TMEM163: variants seen among roughly 807,000 people sequenced by gnomAD.
TMEM163 encodes the protein transmembrane protein 163.
A neutral mutation model predicts 29.3 loss-of-function variants in TMEM163; 17 were observed. The ratio of observed to expected loss-of-function variants is 0.58; its 90% CI spans 0.40 to 0.87. The LOEUF (loss-of-function observed/expected upper bound fraction) is 0.87, where lower values mean the gene tolerates loss of function less well. Among genes scored for constraint, TMEM163 ranks in the 40% least tolerant of loss-of-function variants. The pLI is 0.00. For missense variants in TMEM163, 303 were observed against 381.5 expected (o/e 0.79, Z 1.71); for synonymous variants, 157 against 160.6 (o/e 0.98, Z 0.17).
Position 134,638,517 on chromosome 2 carries a change from G to T in TMEM163, c.322+74683C>A, listed in dbSNP as rs377552602. ...AGAAGAGTCAAGAGGATTAAAGGAA[G>T]GAGATGATGGAGAAAGACCATTTAG... On this transcript the variant is annotated intron_variant, in intron 2 of 7. Transcript: ENST00000281924. 2.0e-5 allele frequency among the ~76,000 whole-genome samples: 3 copies of T among 152,316 alleles called. No homozygotes were observed. In the South Asian group the frequency reaches 6.2e-4, roughly 32 times the overall value.
At chr2:134,463,875 G>A (rs533603943) in intron 6 of TMEM163, among the ~76,000 whole-genome samples, 31 of 152,246 alleles carry the variant, frequency 2.0e-4, no homozygotes, top group Admixed American at 8.5e-4. Flanking sequence ...AGGACCTGAC[G>A]GCAGCAGGAT....
intron 2 of TMEM163, among the ~76,000 whole-genome samples, chr2:134,607,051 G>A (rs1180529275): frequency 2.2e-5 from 3 of 133,650 alleles, no homozygotes; most frequent in South Asian, 3.1e-4. Context: ...GACAGACCCC[G>A]AGAACTGTGC....
At chr2:134,634,970 A>G (rs1446207125) in intron 2 of TMEM163, among the ~76,000 whole-genome samples, 1 of 152,244 alleles carries the variant, frequency 6.6e-6, no homozygotes, top group East Asian at 1.9e-4. Context: ...AACAAGTGAA[A>G]CCAAATTTTA....
chr2:134,672,534 C>A (rs1003648958), intron 2 of TMEM163, among the ~76,000 whole-genome samples: 1 of 152,054 alleles, frequency 6.6e-6, no homozygotes, highest in Non-Finnish European at 1.5e-5. Context: ...GCCACACCTG[C>A]CTGGCTAATT....
At chr2:134,637,059 A>C (rs1683120225) in intron 2 of TMEM163, among the ~76,000 whole-genome samples, 1 of 152,230 alleles carries the variant, frequency 6.6e-6, no homozygotes, top group Admixed American at 6.5e-5. Context: ...TCTCCCACAC[A>C]GCTAGCTCGG....
At chr2:134,641,868 T>C (rs1683227580) in intron 2 of TMEM163, among the ~76,000 whole-genome samples, 2 of 152,038 alleles carry the variant, frequency 1.3e-5, no homozygotes, top group African/African-American at 4.8e-5. Context: ...TATAAATAGG[T>C]TAAAAGCCAA....
At chr2:134,672,568 T>A (rs1027899800) in intron 2 of TMEM163, among the ~76,000 whole-genome samples, 1 of 151,970 alleles carries the variant, frequency 6.6e-6, no homozygotes, top group Admixed American at 6.6e-5. Context: ...GTAGAGACAG[T>A]GTATCACTCT....
intron 2 of TMEM163, among the ~76,000 whole-genome samples, chr2:134,556,333 T>G (rs1178408133): frequency 6.6e-6 from 1 of 152,250 alleles, no homozygotes; most frequent in African/African-American, 2.4e-5. Flanking sequence ...GTTGACCCAG[T>G]AATCCCATGC....
intron 4 of TMEM163, among the ~76,000 whole-genome samples, chr2:134,506,007 T>TCCC (rs756541184): frequency 6.6e-6 from 1 of 152,026 alleles, no homozygotes; most frequent in African/African-American, 2.4e-5. Flanking sequence ...CATCAACCAT[T>TCCC]TACCACTGGG....
At chr2:134,462,914 G>A (rs1298024139) in intron 6 of TMEM163, among the ~76,000 whole-genome samples, 4 of 152,196 alleles carry the variant, frequency 2.6e-5, no homozygotes, top group African/African-American at 2.4e-5. Flanking sequence ...GGTGTCCAGC[G>A]AATGAGGTTT....
intron 2 of TMEM163, among the ~76,000 whole-genome samples, chr2:134,664,713 C>G (rs896819252): frequency 3.9e-5 from 6 of 152,080 alleles, no homozygotes; most frequent in Non-Finnish European, 8.8e-5. Context: ...TACAGGCCAC[C>G]ACCAGAAGCT....
At chr2:134,527,293 G>T (rs758499553) in intron 4 of TMEM163, among the ~76,000 whole-genome samples, 60 of 152,068 alleles carry the variant, frequency 3.9e-4, no homozygotes, top group Non-Finnish European at 2.4e-4. Flanking sequence ...GTGTTTATGT[G>T]CATGCTTGTG....
chr2:134,532,431 C>G (rs1043372862), intron 4 of TMEM163, among the ~76,000 whole-genome samples: 1 of 152,240 alleles, frequency 6.6e-6, no homozygotes, highest in Non-Finnish European at 1.5e-5. Context: ...ACTCTGGAAT[C>G]ATTTCTTTCT....
chr2:134,691,939 G>C (rs1684478107), intron 2 of TMEM163, among the ~76,000 whole-genome samples: 1 of 152,182 alleles, frequency 6.6e-6, no homozygotes, highest in South Asian at 2.1e-4. Flanking sequence ...TGAGGCAGGG[G>C]CTGCAGTGGA....
At chr2:134,468,245 A>G (rs1686712383) in intron 5 of TMEM163, 1 of 152,164 alleles carries the variant, frequency 6.6e-6, no homozygotes, top group Non-Finnish European at 1.5e-5. Flanking sequence ...AGCCCTCACT[A>G]ATGGAATGAG....
chr2:134,628,670 G>A (rs866141195), intron 2 of TMEM163, among the ~76,000 whole-genome samples: 10 of 152,356 alleles, frequency 6.6e-5, no homozygotes, highest in Middle Eastern at 3.4e-3. Flanking sequence ...GAGGATTAAG[G>A]ACATCCATGT....
chr2:134,689,185 G>A (rs1397324738), intron 2 of TMEM163, among the ~76,000 whole-genome samples: 8 of 147,538 alleles, frequency 5.4e-5, no homozygotes, highest in African/African-American at 7.6e-5. Context: ...CTTGGCTCAC[G>A]GCAACCTCTG....
intron 2 of TMEM163, among the ~76,000 whole-genome samples, chr2:134,624,989 G>A (rs1364805684): frequency 6.6e-6 from 1 of 152,086 alleles, no homozygotes; most frequent in Non-Finnish European, 1.5e-5. Context: ...TATACTACCT[G>A]TAGTTACTTA....
chr2:134,491,622 T>C (rs1679431635), intron 5 of TMEM163, among the ~76,000 whole-genome samples: 1 of 152,190 alleles, frequency 6.6e-6, no homozygotes, highest in Non-Finnish European at 1.5e-5. Context: ...TATGATGTAG[T>C]CTGGAAGGAG....
Sources: allele counts gnomAD v4.1 joint callset (sites outside exome capture counted in the v4.1 genomes callset), GRCh38; gene constraint gnomAD v4.1.1; transcripts MANE v1.5; gene names NCBI Gene and HGNC (gene_info 2026-07-23, HGNC 2026-07-21).